Variants in HTR7 observed in about 807,000 individuals in gnomAD.
The protein encoded by HTR7 is 5-hydroxytryptamine receptor 7, also known as 5-HT-7.
HTR7 carries 16 observed loss-of-function variants against 34.0 expected under a neutral mutation model. The observed-to-expected ratio is 0.47, with a 90% CI of 0.32 to 0.71. The LOEUF (loss-of-function observed/expected upper bound fraction) is 0.71. Ranked by LOEUF, HTR7 falls within the 30% of genes least tolerant of loss-of-function variation. The pLI, the probability that HTR7 is intolerant of heterozygous loss-of-function variation, is 0.04. For synonymous variants in HTR7, 265 were observed against 260.2 expected, an observed-to-expected ratio of 1.02 and a Z score of -0.18; for missense variants, 504 against 625.5, an observed-to-expected ratio of 0.81 and a Z score of 2.07.
intron 1 of HTR7, among the ~76,000 whole-genome samples, chr10:90,826,738 C>T (rs1056336914): frequency 6.6e-6 from 1 of 151,656 alleles, no homozygotes; most frequent in Non-Finnish European, 1.5e-5. Context: ...GAGATCGAGA[C>T]CATCCTGGCT....
chr10:90,843,130 CT>C (rs985867670), intron 1 of HTR7, among the ~76,000 whole-genome samples: 1 of 151,900 alleles, frequency 6.6e-6, no homozygotes, highest in Non-Finnish European at 1.5e-5. Flanking sequence ...TCCTTCCCTC[CT>C]TTTTTTTCCT....
At position 90,763,856 on chromosome 10, in the gene HTR7, G is replaced by A. The variant is rs564278777; in HGVS notation, c.540-14262C>T. On this transcript the variant is annotated intron_variant, in intron 1 of 3. Transcript: ENST00000336152. ...TATATGTACCACGTTTTCTTTATCC[G>A]GTCTATCATTGACGAGCATTTGGGT... Among the ~76,000 whole-genome samples the A allele has an allele frequency of 8.6e-4, 131 of 152,118 alleles. 3 individuals are homozygous for A. In the South Asian group the frequency reaches 0.027, roughly 31 times the overall value.
At chr10:90,817,836 T>C (rs751552918) in intron 1 of HTR7, among the ~76,000 whole-genome samples, 142 of 152,306 alleles carry the variant, frequency 9.3e-4, no homozygotes, top group Admixed American at 1.6e-3. Context: ...CTTTCAACTG[T>C]TGAAAGAATA....
rs535677878 is a variant in HTR7 at position 90,798,013 on chromosome 10, G to T, written c.540-48419C>A. Among the ~76,000 whole-genome samples the T allele has an allele frequency of 3.3e-5, 5 of 152,202 alleles. No homozygotes were observed. In the South Asian group the frequency reaches 1.0e-3, roughly 32 times the overall value. ...TCAGGAGGCCACTCTTTCTATAATGGTATTAATTCACTGATGAGGGTAGAT... is the reference window on the plus strand; with the variant it reads ...TCAGGAGGCCACTCTTTCTATAATGTTATTAATTCACTGATGAGGGTAGAT... On this transcript the variant is annotated intron_variant, in intron 1 of 3. Coordinates refer to ENST00000336152, the MANE Select transcript of HTR7 (RefSeq NM_019859.4).
At chr10:90,822,397 T>C (rs72634995) in intron 1 of HTR7, among the ~76,000 whole-genome samples, 21,706 of 152,198 alleles carry the variant, frequency 0.14, 1,897 homozygotes, top group East Asian at 0.2. Flanking sequence ...TTGAGAAAGA[T>C]GATTGAGGGT....
At chr10:90,853,474 T>TC in intron 1 of HTR7, among the ~76,000 whole-genome samples, 1 of 150,736 alleles carries the variant, frequency 6.6e-6, no homozygotes, top group African/African-American at 2.4e-5. Context: ...TCTTTTCTTT[T>TC]TTTTTTTTCC....
At chr10:90,813,696 A>T (rs1431198316) in intron 1 of HTR7, among the ~76,000 whole-genome samples, 2 of 152,210 alleles carry the variant, frequency 1.3e-5, no homozygotes, top group Non-Finnish European at 2.9e-5. Flanking sequence ...GAATGCCAGC[A>T]GCTGTGCCAA....
At chr10:90,789,099 T>C (rs1845427035) in intron 1 of HTR7, among the ~76,000 whole-genome samples, 1 of 152,206 alleles carries the variant, frequency 6.6e-6, no homozygotes, top group Admixed American at 6.5e-5. Flanking sequence ...ACAGAGATGA[T>C]GGGGACTTTC....
At chr10:90,777,204 C>T (rs558618168) in intron 1 of HTR7, among the ~76,000 whole-genome samples, 4 of 152,012 alleles carry the variant, frequency 2.6e-5, no homozygotes, top group South Asian at 2.1e-4. Context: ...TCCTACAGGC[C>T]GGGCGTGGTG....
intron 1 of HTR7, among the ~76,000 whole-genome samples, chr10:90,776,007 A>G (rs928622030): frequency 7.2e-5 from 11 of 152,238 alleles, no homozygotes; most frequent in African/African-American, 2.7e-4. Flanking sequence ...TCCACATATA[A>G]AATTATTAGA....
intron 1 of HTR7, among the ~76,000 whole-genome samples, chr10:90,848,084 T>TTTTTTC (rs1200916861): frequency 6.6e-6 from 1 of 150,474 alleles, no homozygotes; most frequent in African/African-American, 2.5e-5. Flanking sequence ...TTTTTTTTTT[T>TTTTTTC]TTTTGGCAGG....
At chr10:90,771,219 A>G (rs1845104640) in intron 1 of HTR7, among the ~76,000 whole-genome samples, 1 of 152,160 alleles carries the variant, frequency 6.6e-6, no homozygotes. Context: ...CTTAGAAAGG[A>G]GCTGCACCCT....
intron 1 of HTR7, among the ~76,000 whole-genome samples, chr10:90,852,202 T>TAAAAAAAAAAAAAA (rs60371298): frequency 2.2e-5 from 3 of 135,244 alleles, no homozygotes; most frequent in Admixed American, 7.4e-5. Context: ...TTATGTGAAG[T>TAAAAAAAAAAAAAA]AAAAAAAAAA....
At chr10:90,806,276 G>T (rs910009392) in intron 1 of HTR7, among the ~76,000 whole-genome samples, 2 of 152,152 alleles carry the variant, frequency 1.3e-5, no homozygotes, top group African/African-American at 4.8e-5. Context: ...GTCATCCATG[G>T]TATGGAGCTG....
In HTR7 at chr10:90,749,670, G is replaced by A. The variant is rs996243219; in HGVS notation, c.540-76C>T. 4.2e-6 allele frequency: 6 copies of A among 1,416,872 alleles called. No individual in the cohort carries two copies. The African/African-American group carries it at 7.1e-5, about 17-fold the overall frequency. The allele number at this position is 1,416,872 out of a possible 1,614,324, so 87.8% of individuals were successfully genotyped here. Reference sequence around the variant, plus strand: ...CAACCAAGCAAGTCCTGCCAGCCAGGTACCAGCGCCAGTCCTCGCAACAGC... The same window carrying A: ...CAACCAAGCAAGTCCTGCCAGCCAGATACCAGCGCCAGTCCTCGCAACAGC... On this transcript the variant is annotated intron_variant, in intron 1 of 3. Transcript: ENST00000336152. This position sits in a 1 kb window ranked among gnomAD's most constrained non-coding sequence, Gnocchi z 4.2.
chr10:90,765,000 TAC>T (rs1844998579), intron 1 of HTR7, among the ~76,000 whole-genome samples: 2 of 152,188 alleles, frequency 1.3e-5, no homozygotes, highest in Admixed American at 1.3e-4. Flanking sequence ...TATTTTCTCA[TAC>T]AGTCCTCATC....
intron 1 of HTR7, among the ~76,000 whole-genome samples, chr10:90,798,527 C>A (rs1356401951): frequency 6.6e-6 from 1 of 152,102 alleles, no homozygotes; most frequent in Non-Finnish European, 1.5e-5. Flanking sequence ...CCAACCTGGG[C>A]AACATACTGA....
chr10:90,795,736 G>A (rs1355600064), intron 1 of HTR7, among the ~76,000 whole-genome samples: 1 of 152,180 alleles, frequency 6.6e-6, no homozygotes, highest in Non-Finnish European at 1.5e-5. Context: ...TTGGGGTACA[G>A]CTTGCCTTTA....
At chr10:90,843,070 T>TGG (rs1474450663) in intron 1 of HTR7, among the ~76,000 whole-genome samples, 1 of 152,198 alleles carries the variant, frequency 6.6e-6, no homozygotes, top group Non-Finnish European at 1.5e-5. Flanking sequence ...GCCACATGTG[T>TGG]GGATTTGAGA....
Sources: gnomAD v4.1 joint callset for allele counts (sites outside exome capture counted in the v4.1 genomes callset) on GRCh38, gnomAD v4.1.1 for gene constraint, Gnocchi (gnomAD v3.1) non-coding constraint, MANE v1.5 for transcripts, NCBI Gene and HGNC (gene_info 2026-07-23, HGNC 2026-07-21) for gene names.